The following ASPSCR1 variants were observed in gnomAD, a reference collection of about 807,000 sequenced individuals.
ASPSCR1 encodes tether containing UBX domain for GLUT4.
A neutral mutation model predicts 68.9 loss-of-function variants in ASPSCR1; 55 were observed. That is an observed-to-expected ratio of 0.80 (90% CI 0.64 to 1.00). ASPSCR1 has a LOEUF of 1.00. Among genes scored for constraint, ASPSCR1 ranks in the 50% least tolerant of loss-of-function variants. The pLI is 0.00. For synonymous variants in ASPSCR1, 352 were observed against 332.6 expected (o/e 1.06, Z -0.63); for missense variants, 765 against 762.2 (o/e 1.00, Z -0.04).
At chr17:81,993,129 C>T (rs1259228684) in intron 4 of ASPSCR1, among the ~76,000 whole-genome samples, 1 of 152,130 alleles carries the variant, frequency 6.6e-6, no homozygotes, top group Non-Finnish European at 1.5e-5. Flanking sequence ...GGGGCTGGGC[C>T]TGTCCTGGGT....
At chr17:82,005,377 C>T (rs186771370) in intron 7 of ASPSCR1, 44 of 152,324 alleles carry the variant, frequency 2.9e-4, no homozygotes, top group Admixed American at 1.6e-3. Context: ...CCTGCTGCAG[C>T]GCCTGTGTGC....
At chr17:82,007,428 C>G (rs1322860354) in intron 7 of ASPSCR1, 1 of 152,288 alleles carries the variant, frequency 6.6e-6, no homozygotes, top group Non-Finnish European at 1.5e-5. Context: ...TCCCCTATGG[C>G]CCCCATCCTG....
chr17:82,008,130 G>A (rs2042784457), intron 7 of ASPSCR1: 1 of 152,498 alleles, frequency 6.6e-6, no homozygotes, highest in Non-Finnish European at 1.5e-5. Context: ...CCTGGGACAG[G>A]CGTACCTCTG....
At position 82,009,583 on chromosome 17, in the gene ASPSCR1, G is replaced by GT. The variant is rs751167717; in HGVS notation, c.1170+17dup. On this transcript the variant is annotated intron_variant, in intron 9 of 15. Coordinates refer to ENST00000306739, the MANE Select transcript of ASPSCR1 (RefSeq NM_024083.4). ...CTACCCAAAGGTCTGCAGACAGGAT[G>GT]TGGGGGCGACTGAGGCACAGCTCTG... 2 of 1,554,492 alleles carry GT rather than the reference G, an allele frequency of 1.3e-6. No individual in the cohort carries two copies. The highest frequency in any genetic ancestry group is 4.8e-5 in the East Asian group (2 of 41,916).
chr17:81,981,866 A>G (rs1394228410), intron 2 of ASPSCR1, among the ~76,000 whole-genome samples: 3 of 152,148 alleles, frequency 2.0e-5, no homozygotes, highest in South Asian at 4.1e-4. Context: ...GGGTTTCACC[A>G]TGTGGACCAG....
chr17:82,009,816 G>A, intron 9 of ASPSCR1: 2 of 405,606 alleles, frequency 4.9e-6, no homozygotes, highest in Non-Finnish European at 9.2e-6. Flanking sequence ...TGGGACGTGG[G>A]GGCGACTGAG....
intron 9 of ASPSCR1, among the ~76,000 whole-genome samples, chr17:82,010,455 G>A (rs2042893412): frequency 6.6e-6 from 1 of 151,342 alleles, no homozygotes; most frequent in African/African-American, 2.4e-5. Flanking sequence ...CGTGAACCCG[G>A]GAGGTGGAGC....
rs901135850 is a variant in ASPSCR1 at position 81,997,993 on chromosome 17, A to C, written c.933+1147A>C. On this transcript the variant is annotated intron_variant, in intron 7 of 15. Transcript: ENST00000306739. Reference sequence around the variant, plus strand: ...AGGCGTGTGCCACCACGCCCAGCTAATTTTTGTATTTTTAGTAGAGACGGG... The same window carrying C: ...AGGCGTGTGCCACCACGCCCAGCTACTTTTTGTATTTTTAGTAGAGACGGG... 2.7e-5 allele frequency among the ~76,000 whole-genome samples: 4 copies of C among 150,868 alleles called. No homozygotes were observed. In the East Asian group the frequency reaches 7.9e-4, roughly 30 times the overall value.
intron 7 of ASPSCR1, among the ~76,000 whole-genome samples, chr17:82,001,419 C>T (rs1393807941): frequency 2.6e-5 from 4 of 152,144 alleles, no homozygotes; most frequent in Non-Finnish European, 5.9e-5. Context: ...TGAGGACAAC[C>T]CTGGGCTCTG....
chr17:82,013,820 C>G (rs1423770140), intron 12 of ASPSCR1: 3 of 152,546 alleles, frequency 2.0e-5, no homozygotes, highest in Non-Finnish European at 2.9e-5. Flanking sequence ...AACAAAGCCC[C>G]CCGCCCCTGC....
Position 81,999,073 on chromosome 17 carries a change from C to T in ASPSCR1, c.933+2227C>T, listed in dbSNP as rs911457570. ...ACCTGGGCTGCTGAAACCTGACTTC[C>T]TCAGCTTCCTCACCTGCAGAACTAA... is the stretch of plus-strand genomic sequence containing the variant. On this transcript the variant is annotated intron_variant, in intron 7 of 15. Coordinates refer to ENST00000306739, the MANE Select transcript of ASPSCR1 (RefSeq NM_024083.4). The surrounding 1 kb of genome is among the most constrained non-coding windows in gnomAD (Gnocchi z 4.4). Among the ~76,000 whole-genome samples, 2 of 152,264 alleles carry T rather than the reference C, an allele frequency of 1.3e-5. No individual in the cohort carries two copies. The highest frequency in any genetic ancestry group is 1.3e-4 in the Admixed American group (2 of 15,288).
chr17:81,981,130 G>A, intron 2 of ASPSCR1, among the ~76,000 whole-genome samples: 1 of 152,222 alleles, frequency 6.6e-6, no homozygotes, highest in Non-Finnish European at 1.5e-5. Flanking sequence ...ATACCTGTGG[G>A]TTGTTTTGAA....
At position 82,010,090 on chromosome 17, in the gene ASPSCR1, T is replaced by G. The variant is rs1397955536; in HGVS notation, c.1170+523T>G. 2.2e-5 allele frequency: 7 copies of G among 315,884 alleles called. No homozygotes were observed. In the East Asian group the frequency reaches 5.5e-4, roughly 25 times the overall value. 19.6% of individuals were successfully genotyped at this position (315,884 alleles called of 1,614,324 possible). On this transcript the variant is annotated intron_variant, in intron 9 of 15. Transcript: ENST00000306739. Reference sequence around the variant, plus strand: ...ACTAGCTCGGCTAATTTTTGTTGTTTTTTTTTTTTTTACTAGAGATGGAGT... The same window carrying G: ...ACTAGCTCGGCTAATTTTTGTTGTTGTTTTTTTTTTTACTAGAGATGGAGT...
intron 7 of ASPSCR1, chr17:82,008,189 G>A (rs548966341): frequency 6.5e-6 from 1 of 152,896 alleles, no homozygotes; most frequent in East Asian, 1.9e-4. Context: ...GGGGGTGCTG[G>A]AATGCTGTGT....
chr17:82,000,940 G>T (rs1402062827), intron 7 of ASPSCR1, among the ~76,000 whole-genome samples: 1 of 152,172 alleles, frequency 6.6e-6, no homozygotes, highest in Non-Finnish European at 1.5e-5. Context: ...TGGCACGAGG[G>T]CCGCTCCTGA....
chr17:82,003,591 C>T (rs868762009), intron 7 of ASPSCR1, among the ~76,000 whole-genome samples: 6 of 152,244 alleles, frequency 3.9e-5, no homozygotes, highest in East Asian at 1.9e-4. Flanking sequence ...GGGTGGGATT[C>T]GAGGCCTGAT....
Position 81,987,123 on chromosome 17 carries a change from G to A in ASPSCR1, c.374+1516G>A, listed in dbSNP as rs900192605. Among the ~76,000 whole-genome samples, 1 of 149,488 alleles carries A rather than the reference G, an allele frequency of 6.7e-6. No individual in the cohort carries two copies. The highest frequency in any genetic ancestry group is 1.5e-5 in the Non-Finnish European group (1 of 67,784). The stretch of plus-strand genomic sequence containing the variant: ...CCACGGGCAGGGGTGAGCGGGACCC[G>A]AGGCAGGAGGTGACAGAGCCTAAGA... On this transcript the variant is annotated intron_variant, in intron 4 of 15. Coordinates refer to ENST00000306739, the MANE Select transcript of ASPSCR1 (RefSeq NM_024083.4). This position sits in a 1 kb window ranked among gnomAD's most constrained non-coding sequence, Gnocchi z 5.6.
In ASPSCR1 at chr17:81,985,379, G is replaced by A. The variant is rs543816945; in HGVS notation, c.274-128G>A. 17 of 907,028 alleles carry A rather than the reference G, an allele frequency of 1.9e-5. No homozygotes were observed. The South Asian group carries it at 2.7e-4, about 14-fold the overall frequency. 56.2% of individuals were successfully genotyped at this position (907,028 alleles called of 1,614,324 possible). On this transcript the variant is annotated intron_variant, in intron 3 of 15. Transcript: ENST00000306739. ...AATAGGAGGGTAGCCTTCTCCGTGGGGGTCAGCCTCTCCCTGGAGGCCAGG... is the reference window on the plus strand; with the variant it reads ...AATAGGAGGGTAGCCTTCTCCGTGGAGGTCAGCCTCTCCCTGGAGGCCAGG...
intron 11 of ASPSCR1, 183 bp from the exon 12 acceptor site, chr17:82,012,048 C>A: frequency 1.3e-6 from 1 of 769,660 alleles, no homozygotes; most frequent in Non-Finnish European, 2.2e-6. Context: ...CTGCCCCCCA[C>A]CGGCCCTTCC....
Sources: allele counts gnomAD v4.1 joint callset (sites outside exome capture counted in the v4.1 genomes callset), GRCh38; gene constraint gnomAD v4.1.1; non-coding constraint Gnocchi (gnomAD v3.1); transcripts MANE v1.5; gene names NCBI Gene and HGNC (gene_info 2026-07-23, HGNC 2026-07-21).